The following ARHGAP26 variants were observed in gnomAD, a reference collection of about 807,000 sequenced individuals.
The protein encoded by ARHGAP26 is Rho GTPase activating protein 26.
Under a neutral mutation model 104.8 loss-of-function variants are expected in ARHGAP26, and 38 were observed. That is an observed-to-expected ratio of 0.36 (90% CI 0.28 to 0.48). ARHGAP26 has a LOEUF of 0.48. ARHGAP26 is among the 20% of genes least tolerant of loss of function. ARHGAP26 has a pLI of 0.99. For missense variants in ARHGAP26, 704 were observed against 947.9 expected, an observed-to-expected ratio of 0.74 and a Z score of 3.38; for synonymous variants, 341 against 340.0, an observed-to-expected ratio of 1.00 and a Z score of -0.03.
At chr5:142,820,880 C>T (rs543932049) in intron 1 of ARHGAP26, among the ~76,000 whole-genome samples, 45 of 152,214 alleles carry the variant, frequency 3.0e-4, no homozygotes, top group African/African-American at 1.0e-3. Flanking sequence ...GACAAGGAAA[C>T]TCAGACTTCA....
intron 17 of ARHGAP26, among the ~76,000 whole-genome samples, chr5:143,088,141 C>T (rs1790870946): frequency 6.6e-6 from 1 of 152,178 alleles, no homozygotes; most frequent in African/African-American, 2.4e-5. Flanking sequence ...CAAAAGTTCC[C>T]CATTTTATGT....
intron 1 of ARHGAP26, among the ~76,000 whole-genome samples, chr5:142,807,875 C>T (rs1314476254): frequency 6.6e-6 from 1 of 152,156 alleles, no homozygotes; most frequent in African/African-American, 2.4e-5. Context: ...GCTGTGTCAT[C>T]TCTTAGAAAG....
At chr5:143,021,143 TC>T (rs1452118637) in intron 12 of ARHGAP26, among the ~76,000 whole-genome samples, 1 of 152,228 alleles carries the variant, frequency 6.6e-6, no homozygotes, top group Non-Finnish European at 1.5e-5. Context: ...GTAATATTAT[TC>T]CCAGAGATAC....
At chr5:142,930,229 G>A (rs560629008) in intron 10 of ARHGAP26, among the ~76,000 whole-genome samples, 1 of 152,132 alleles carries the variant, frequency 6.6e-6, no homozygotes, top group Non-Finnish European at 1.5e-5. Flanking sequence ...CGTCATACTT[G>A]GTCTTTAGAG....
intron 12 of ARHGAP26, among the ~76,000 whole-genome samples, chr5:143,031,909 A>G (rs950961296): frequency 7.9e-5 from 12 of 152,114 alleles, no homozygotes; most frequent in Admixed American, 5.9e-4. Flanking sequence ...TAAGACAGCT[A>G]GTCTCTGGAT....
At chr5:143,166,252 G>T (rs1056016427) in intron 20 of ARHGAP26, among the ~76,000 whole-genome samples, 2 of 152,186 alleles carry the variant, frequency 1.3e-5, no homozygotes, top group Non-Finnish European at 2.9e-5. Flanking sequence ...AATTTCATCA[G>T]CTCTCTAGAC....
chr5:143,048,926 A>G (rs1784603100), intron 14 of ARHGAP26, among the ~76,000 whole-genome samples: 1 of 151,528 alleles, frequency 6.6e-6, no homozygotes. Context: ...AAAGAAAAAA[A>G]AAAAAAAAAA....
At chr5:142,888,694 A>G (rs1015000094) in intron 5 of ARHGAP26, among the ~76,000 whole-genome samples, 1 of 152,210 alleles carries the variant, frequency 6.6e-6, no homozygotes, top group African/African-American at 2.4e-5. Context: ...CATCTAGTGG[A>G]TGATTTAAAC....
chr5:143,041,998 T>TCACGGACACC, intron 14 of ARHGAP26, 108 bp downstream of exon 14: 2 of 912,524 alleles, frequency 2.2e-6, no homozygotes, highest in Non-Finnish European at 3.5e-6. Flanking sequence ...AATCGGGGTG[T>TCACGGACACC]CCGTGAGCTG....
intron 11 of ARHGAP26, among the ~76,000 whole-genome samples, chr5:142,952,803 G>A (rs955666918): frequency 3.9e-5 from 6 of 151,972 alleles, no homozygotes; most frequent in Non-Finnish European, 1.5e-5. Context: ...TCCGCCTCCC[G>A]GGTTCAAGCA....
At chr5:142,865,841 C>T (rs1754178624) in intron 1 of ARHGAP26, among the ~76,000 whole-genome samples, 1 of 152,206 alleles carries the variant, frequency 6.6e-6, no homozygotes, top group Non-Finnish European at 1.5e-5. Context: ...GGTCTTCCCA[C>T]TCTGACCTCC....
chr5:143,207,483 C>T (rs748969242), intron 21 of ARHGAP26, 175 bp downstream of exon 21: 17 of 1,613,418 alleles, frequency 1.1e-5, no homozygotes, highest in East Asian at 4.5e-5. Flanking sequence ...GGTAAAATCT[C>T]GGATGATGAC....
chr5:142,966,702 C>T (rs754933924), intron 11 of ARHGAP26, among the ~76,000 whole-genome samples: 3 of 152,182 alleles, frequency 2.0e-5, no homozygotes, highest in Non-Finnish European at 2.9e-5. Flanking sequence ...ACAGGAAAAT[C>T]GTTCATTAAT....
Position 142,890,151 on chromosome 5 carries a change from A to T in ARHGAP26, c.487-4087A>T, listed in dbSNP as rs796236279. Reference sequence around the variant, plus strand: ...AACTCCGTCTTAAAAAAAAAAAAAAAATATATATATATATATATATATATA... The same window carrying T: ...AACTCCGTCTTAAAAAAAAAAAAAATATATATATATATATATATATATATA... On this transcript the variant is annotated intron_variant, in intron 5 of 22. Transcript: ENST00000645722. Among the ~76,000 whole-genome samples the T allele has an allele frequency of 7.6e-3, 245 of 32,190 alleles. 4 individuals are homozygous for T. The highest frequency in any genetic ancestry group is 8.8e-3 in the Admixed American group (18 of 2,034). The allele number at this position is 32,190 out of a possible 152,430, so 21.1% of individuals were successfully genotyped here. A position where few individuals can be genotyped will look rare whatever the true frequency, so the allele number is the denominator to read the frequency against.
chr5:143,121,574 C>CT (rs538631501), intron 18 of ARHGAP26, among the ~76,000 whole-genome samples: 341 of 152,192 alleles, frequency 2.2e-3, no homozygotes, highest in African/African-American at 7.8e-3. Context: ...GGATATTAAA[C>CT]TTTCTTCATT....
chr5:142,989,822 C>T (rs947155995), intron 11 of ARHGAP26, among the ~76,000 whole-genome samples: 20 of 152,278 alleles, frequency 1.3e-4, no homozygotes, highest in East Asian at 3.9e-4. Flanking sequence ...CCGAGAGATC[C>T]GCTGTTAGTC....
At chr5:143,137,268 G>T (rs754082039) in intron 19 of ARHGAP26, among the ~76,000 whole-genome samples, 2 of 152,170 alleles carry the variant, frequency 1.3e-5, no homozygotes, top group Non-Finnish European at 2.9e-5. Flanking sequence ...CCACAAACTG[G>T]CTTTTAATTT....
chr5:143,211,545 CTTGGCTTGCTTATTTATTTA>C (rs1809461563), intron 21 of ARHGAP26, among the ~76,000 whole-genome samples: 1 of 151,372 alleles, frequency 6.6e-6, no homozygotes. Context: ...AAGGCCCTTT[CTTGGCTTGCTTATTTATTTA>C]TTTACCTACT....
intron 1 of ARHGAP26, among the ~76,000 whole-genome samples, chr5:142,826,205 T>A (rs1162876942): frequency 6.6e-6 from 1 of 152,238 alleles, no homozygotes; most frequent in African/African-American, 2.4e-5. Context: ...GAACTGATGC[T>A]TCGTCTGTCC....
Sources: allele counts gnomAD v4.1 joint callset (sites outside exome capture counted in the v4.1 genomes callset), GRCh38; gene constraint gnomAD v4.1.1; transcripts MANE v1.5; gene names NCBI Gene and HGNC (gene_info 2026-07-23, HGNC 2026-07-21).